KIF5C: variants seen among roughly 807,000 people sequenced by gnomAD.
KIF5C encodes the protein kinesin heavy chain isoform 5C.
In KIF5C, 18 loss-of-function variants were observed where a neutral mutation model predicts 125.2. The ratio of observed to expected loss-of-function variants is 0.14; its 90% CI spans 0.10 to 0.21. The LOEUF is 0.21. Ranked by LOEUF, KIF5C falls within the 10% of genes least tolerant of loss-of-function variation. The pLI, the probability that KIF5C is intolerant of heterozygous loss-of-function variation, is 1.00. For missense variants in KIF5C, 780 were observed against 1,183.8 expected, an observed-to-expected ratio of 0.66 and a Z score of 5.01; for synonymous variants, 405 against 434.0, an observed-to-expected ratio of 0.93 and a Z score of 0.83.
chr2:148,998,575 G>A (rs1681746604), intron 19 of KIF5C, 66 bp downstream of exon 19: 2 of 1,545,796 alleles, frequency 1.3e-6, no homozygotes, highest in Non-Finnish European at 1.7e-6. Flanking sequence ...GGGAAGCCTG[G>A]AAGGATGTGG....
intron 22 of KIF5C, among the ~76,000 whole-genome samples, chr2:149,006,000 C>T (rs1396370646): frequency 6.6e-6 from 1 of 152,124 alleles, no homozygotes; most frequent in Non-Finnish European, 1.5e-5. Context: ...CCCAATATTG[C>T]ACTGGTGGGA....
chr2:148,967,681 G>T (rs1369037932), intron 11 of KIF5C, among the ~76,000 whole-genome samples: 1 of 152,180 alleles, frequency 6.6e-6, no homozygotes, highest in African/African-American at 2.4e-5. Context: ...GATATCGATG[G>T]CTGGTCTTTC....
At chr2:148,967,895 G>C (rs1157674456) in intron 11 of KIF5C, among the ~76,000 whole-genome samples, 1 of 152,152 alleles carries the variant, frequency 6.6e-6, no homozygotes, top group African/African-American at 2.4e-5. Context: ...GATTCAGAGT[G>C]AATTACAGCT....
At chr2:148,936,784 A>T (rs1408822662) in intron 3 of KIF5C, among the ~76,000 whole-genome samples, 1 of 152,220 alleles carries the variant, frequency 6.6e-6, no homozygotes, top group Non-Finnish European at 1.5e-5. Flanking sequence ...TGATCTGTTA[A>T]ATGATACTGA....
At chr2:149,001,672 C>G (rs1351408200) in intron 21 of KIF5C, among the ~76,000 whole-genome samples, 1 of 152,226 alleles carries the variant, frequency 6.6e-6, no homozygotes, top group Non-Finnish European at 1.5e-5. Context: ...TGTGGGATAG[C>G]TGCCTGGCTC....
chr2:148,966,483 G>T (rs922043557), intron 11 of KIF5C, among the ~76,000 whole-genome samples: 5 of 152,072 alleles, frequency 3.3e-5, no homozygotes, highest in Admixed American at 3.3e-4. Context: ...TAACTGAAAA[G>T]AGGTAAGTTT....
intron 1 of KIF5C, among the ~76,000 whole-genome samples, chr2:148,899,576 G>T (rs576898203): frequency 6.6e-6 from 1 of 151,812 alleles, no homozygotes; most frequent in African/African-American, 2.4e-5. Flanking sequence ...GGTGGTGGGC[G>T]CCTGTAATCC....
intron 17 of KIF5C, among the ~76,000 whole-genome samples, chr2:148,994,968 C>T (rs958812725): frequency 2.0e-5 from 3 of 152,016 alleles, no homozygotes; most frequent in Non-Finnish European, 2.9e-5. Flanking sequence ...CCCAAAAGTA[C>T]AAGAGTCAGC....
rs1021855595 is a variant in KIF5C, at chr2:148,997,040, C to T, written c.2024-224C>T. ...CATTGTCCCCCAGTAAGCATTGTCC[C>T]CTGCAGTTGTCGCGCTCCCCCGTGG... On this transcript the variant is annotated intron_variant, in intron 17 of 25. Coordinates refer to ENST00000435030, the MANE Select transcript of KIF5C (RefSeq NM_004522.3). Among the ~76,000 whole-genome samples, 10 of 152,330 alleles carry T rather than the reference C, an allele frequency of 6.6e-5. 1 individual carries two copies. Among genetic ancestry groups the T allele is most frequent in the African/African-American group, 2.4e-4 (10 of 41,580 alleles).
intron 4 of KIF5C, among the ~76,000 whole-genome samples, chr2:148,940,454 G>A (rs1055993567): frequency 6.6e-6 from 1 of 152,188 alleles, no homozygotes; most frequent in Non-Finnish European, 1.5e-5. Flanking sequence ...TAGCTGGGAT[G>A]GTTCCAGTCA....
chr2:148,968,339 GTAAC>G (rs1422887304), intron 11 of KIF5C, among the ~76,000 whole-genome samples: 1 of 152,234 alleles, frequency 6.6e-6, no homozygotes, highest in Non-Finnish European at 1.5e-5. Context: ...ACATGGTTCA[GTAAC>G]TAGCTAAATC....
At position 148,950,481 on chromosome 2, in the gene KIF5C, G is replaced by C; in HGVS notation, c.968+19G>C. 1 of 1,609,366 alleles carries C rather than the reference G, an allele frequency of 6.2e-7. No homozygotes were observed. Among genetic ancestry groups the C allele is most frequent in the Non-Finnish European group, 8.5e-7 (1 of 1,177,456 alleles). On this transcript the variant is annotated intron_variant, in intron 10 of 25. Transcript: ENST00000435030. The stretch of plus-strand genomic sequence containing the variant: ...GACAGAGGTACGTGTGGTCTCTCAG[G>C]ACCCATCCTCTGTGCTAGGTCTTGG...
At position 149,013,420 on chromosome 2, in the gene KIF5C, G is replaced by A. The variant is rs1460473517; in HGVS notation, c.*7+1737G>A. On this transcript the variant is annotated intron_variant, in intron 25 of 25. Transcript: ENST00000435030. The stretch of plus-strand genomic sequence containing the variant: ...TCCTGAAGCCCCATGCAATGCTGAT[G>A]CCTCCCTTTCCCTGGACAGCACTGA... Among the ~76,000 whole-genome samples, 3 of 152,290 alleles carry A rather than the reference G, an allele frequency of 2.0e-5. No homozygotes were observed. The East Asian group carries it at 5.8e-4, about 29-fold the overall frequency.
intron 1 of KIF5C, among the ~76,000 whole-genome samples, chr2:148,889,499 A>G (rs1296608922): frequency 6.6e-6 from 1 of 152,112 alleles, no homozygotes; most frequent in East Asian, 1.9e-4. Flanking sequence ...TGGTGGAGGA[A>G]TTGGTTGGAG....
At chr2:148,947,209 C>T in intron 8 of KIF5C, 186 bp downstream of exon 8, 1 of 870,524 alleles carries the variant, frequency 1.1e-6, no homozygotes, top group Non-Finnish European at 1.7e-6. Flanking sequence ...CTGAGGTCTC[C>T]TATTGGTGTC....
At chr2:148,890,520 T>G (rs1474881788) in intron 1 of KIF5C, among the ~76,000 whole-genome samples, 1 of 151,954 alleles carries the variant, frequency 6.6e-6, no homozygotes, top group Admixed American at 6.6e-5. Context: ...AAAAGAGCAG[T>G]GATCACTTTG....
chr2:148,932,798 C>T (rs992932985), intron 3 of KIF5C, among the ~76,000 whole-genome samples: 9 of 152,104 alleles, frequency 5.9e-5, no homozygotes, highest in Non-Finnish European at 1.0e-4. Flanking sequence ...TCTGAACGCA[C>T]GGTGCTCATG....
Position 148,910,643 on chromosome 2 carries a change from G to A in KIF5C, c.127-11494G>A, listed in dbSNP as rs73966641. ...AGAGCAGTGAGGTCCAGTAGAGAAG[G>A]ACATTCCTGTGGGGATTGGTAGGTC... On this transcript the variant is annotated intron_variant, in intron 1 of 25. Coordinates refer to ENST00000435030, the MANE Select transcript of KIF5C (RefSeq NM_004522.3). 6.1e-3 allele frequency among the ~76,000 whole-genome samples: 923 copies of A among 152,284 alleles called. 3 individuals carry two copies. The highest frequency in any genetic ancestry group is 0.021 in the African/African-American group (877 of 41,560).
In KIF5C at chr2:148,950,669, C is replaced by T. The variant is rs12473284; in HGVS notation, c.968+207C>T. 0.57 allele frequency among the ~76,000 whole-genome samples: 86,469 copies of T among 151,880 alleles called. 25,000 individuals are homozygous for T. The highest frequency in any genetic ancestry group is 0.62 in the Admixed American group (9,428 of 15,296). ...ACTAAAAATACAAAAATTAGCCGGC[C>T]GTGGTGGCATGCGCCTGTGGTCCCA... On this transcript the variant is annotated intron_variant, in intron 10 of 25. Coordinates refer to ENST00000435030, the MANE Select transcript of KIF5C (RefSeq NM_004522.3).
Sources: gnomAD v4.1 joint callset for allele counts (sites outside exome capture counted in the v4.1 genomes callset) on GRCh38, gnomAD v4.1.1 for gene constraint, MANE v1.5 for transcripts, NCBI Gene and HGNC (gene_info 2026-07-23, HGNC 2026-07-21) for gene names.